The following FBN1 variants were observed in gnomAD, a reference collection of about 807,000 sequenced individuals.
The protein encoded by FBN1 is fibrillin 1, also known as fibrillin-1.
Under a neutral mutation model 365.1 loss-of-function variants are expected in FBN1, and 29 were observed. That is an observed-to-expected ratio of 0.08 (90% CI 0.06 to 0.11). The LOEUF is 0.11. FBN1 is among the 10% of genes least tolerant of loss of function. The pLI, the probability that FBN1 is intolerant of heterozygous loss-of-function variation, is 1.00. For missense variants in FBN1, 2,476 were observed against 3,703.2 expected (o/e 0.67, Z 8.60); for synonymous variants, 1,210 against 1,270.5 (o/e 0.95, Z 1.01).
chr15:48,433,101 T>C, intron 54 of FBN1, 113 bp from the exon 55 acceptor site: 1 of 1,088,876 alleles, frequency 9.2e-7, no homozygotes, highest in South Asian at 1.3e-5. Flanking sequence ...TTCATTGTCA[T>C]AAACATGGAT....
In FBN1 at chr15:48,468,045, G is replaced by A. The variant is rs183306990; in HGVS notation, c.4640C>T (p.Thr1547Ile). 82 of 1,614,156 alleles carry A rather than the reference G, an allele frequency of 5.1e-5. No homozygotes were observed. The Admixed American group carries it at 9.8e-4, about 19-fold the overall frequency. Residue 1547 changes from threonine (T) to isoleucine (I), a missense_variant, in exon 38 of 66, where the codon ACA becomes ATA. By Grantham distance (89) the Thr-to-Ile change is moderately conservative (BLOSUM62 -1). Around this residue, in one of 5 missense-constraint regions of FBN1, gnomAD observed 1,780 missense variants for 2,840.8 expected, o/e 0.63. Coordinates refer to ENST00000316623, the MANE Select transcript of FBN1 (RefSeq NM_000138.5). ...DIRPRGDNGD[T>I]ACSNEIGVGV... ...AACTCCAATTTCATTGCTGCAGGCT[G>A]TATCTCCATTGTCTCCTCGAGGTCG...
In FBN1 at chr15:48,445,408, T is replaced by G; in HGVS notation, c.5885A>C (p.Tyr1962Ser). The G allele has an allele frequency of 1.2e-6, 2 of 1,612,800 alleles. No individual in the cohort carries two copies. Among genetic ancestry groups the G allele is most frequent in the South Asian group, 2.2e-5 (2 of 91,052 alleles). The change falls in exon 48 of 66, where the codon TAT becomes TCT. Residue 1962 changes from tyrosine to serine, a missense_variant. By Grantham distance (144) the Tyr-to-Ser change is moderately radical (BLOSUM62 -2). Coordinates refer to ENST00000316623, the MANE Select transcript of FBN1 (RefSeq NM_000138.5). ...GSFQCQCNEG[Y>S]EVAPDGRTCV... ...GGTCCTCCCATCTGGAGCCACCTCA[T>G]AGCCTTCATTGCACTGGCACTGGAA... is the stretch of plus-strand genomic sequence containing the variant.
chr15:48,517,666 G>A (rs2043816656), intron 10 of FBN1, among the ~76,000 whole-genome samples: 1 of 152,074 alleles, frequency 6.6e-6, no homozygotes. Context: ...TTATTTTCAT[G>A]TTGCCTACAA....
At chr15:48,438,114 A>AT (rs1202545995) in intron 50 of FBN1, among the ~76,000 whole-genome samples, 197 bp from the exon 51 acceptor site, 2 of 152,180 alleles carry the variant, frequency 1.3e-5, no homozygotes, top group Admixed American at 6.5e-5. Flanking sequence ...AGATCTGATG[A>AT]ACAACTCTAT....
At chr15:48,468,577 T>C in intron 36 of FBN1, 43 bp from the exon 37 acceptor site, 6 of 1,612,148 alleles carry the variant, frequency 3.7e-6, no homozygotes, top group Non-Finnish European at 4.2e-6. Context: ...CCTGAGCCAG[T>C]GTAGGCAGAC....
intron 6 of FBN1, among the ~76,000 whole-genome samples, chr15:48,558,166 C>T (rs1449270343): frequency 6.6e-6 from 1 of 152,222 alleles, no homozygotes; most frequent in Non-Finnish European, 1.5e-5. Context: ...GATCCTACAA[C>T]ACATTTCATG....
intron 58 of FBN1, 132 bp downstream of exon 58, chr15:48,427,435 G>T (rs985130711): frequency 6.9e-5 from 64 of 932,924 alleles, no homozygotes; most frequent in Non-Finnish European, 1.0e-4. Context: ...CCATAATGAA[G>T]AATTTTTGTT....
At chr15:48,479,019 CTAAA>C (rs1332067866) in intron 32 of FBN1, among the ~76,000 whole-genome samples, 1 of 152,128 alleles carries the variant, frequency 6.6e-6, no homozygotes, top group East Asian at 1.9e-4. Flanking sequence ...AATAATCTAT[CTAAA>C]TAAATAAATA....
At chr15:48,587,604 T>C (rs2044447479) in intron 6 of FBN1, among the ~76,000 whole-genome samples, 1 of 152,186 alleles carries the variant, frequency 6.6e-6, no homozygotes, top group Non-Finnish European at 1.5e-5. Context: ...TACTAACTCT[T>C]CCCTTTACCT....
At chr15:48,482,510 A>C (rs1386083329) in intron 31 of FBN1, among the ~76,000 whole-genome samples, 2 of 152,194 alleles carry the variant, frequency 1.3e-5, no homozygotes, top group African/African-American at 4.8e-5. Flanking sequence ...CAATTGCCCG[A>C]GATTACTGAA....
Position 48,505,068 on chromosome 15 carries a change from G to A in FBN1, c.1917C>T (p.Cys639=), listed in dbSNP as rs2043696879. 6.2e-7 allele frequency: 1 copy of A among 1,614,062 alleles called. No homozygotes were observed. Among genetic ancestry groups the A allele is most frequent in the Admixed American group, 1.7e-5 (1 of 60,008 alleles). Residue 639 remains cysteine (C), a synonymous_variant, in exon 16 of 66, where the codon TGC becomes TGT. Transcript: ENST00000316623. The part of the protein sequence containing the change: ...VNTDGSYRCE[C]FPGLAVGLDG... ...CCAGACCCACAGCCAGTCCAGGGAA[G>A]CATTCACATCTGTAGGAGCCATCAG...
intron 6 of FBN1, among the ~76,000 whole-genome samples, chr15:48,567,068 T>C (rs2044263299): frequency 6.6e-6 from 1 of 152,144 alleles, no homozygotes; most frequent in Admixed American, 6.5e-5. Flanking sequence ...GTGATTTCTA[T>C]GAACATTAAA....
Position 48,421,577 on chromosome 15 carries a change from C to T in FBN1, c.7680G>A (p.Gln2560=), listed in dbSNP as rs780206348. 6.2e-7 allele frequency: 1 copy of T among 1,613,186 alleles called. No individual in the cohort carries two copies. ...CECQRGFSLD[Q]TGSSCEDVDE... ...ACCCACCTTCACAGCTGGAGCCGGT[C>T]TGATCAAGTGAGAATCCCCGCTGGC... Residue 2560 remains glutamine (Q), a synonymous_variant, in exon 62 of 66, where the codon CAG becomes CAA. Coordinates refer to ENST00000316623, the MANE Select transcript of FBN1 (RefSeq NM_000138.5).
chr15:48,558,277 T>C (rs985982932), intron 6 of FBN1, among the ~76,000 whole-genome samples: 1 of 152,234 alleles, frequency 6.6e-6, no homozygotes, highest in Non-Finnish European at 1.5e-5. Flanking sequence ...TAAAAAATTA[T>C]AAACACTTGG....
chr15:48,517,333 G>A (rs1194468371), intron 10 of FBN1, among the ~76,000 whole-genome samples: 1 of 152,194 alleles, frequency 6.6e-6, no homozygotes, highest in Non-Finnish European at 1.5e-5. Context: ...GGAAGGGGAA[G>A]AGAAGGGAGT....
chr15:48,536,068 C>T (rs996463056), intron 7 of FBN1, among the ~76,000 whole-genome samples: 5 of 152,104 alleles, frequency 3.3e-5, no homozygotes, highest in African/African-American at 1.2e-4. Flanking sequence ...GGACTGGAAA[C>T]ACCAGCAAGG....
At chr15:48,498,271 C>G (rs1295566881) in intron 18 of FBN1, among the ~76,000 whole-genome samples, 1 of 152,128 alleles carries the variant, frequency 6.6e-6, no homozygotes. Context: ...CTTTCCTCCT[C>G]TAAATATCCC....
chr15:48,618,078 C>A (rs1223328778), intron 2 of FBN1, among the ~76,000 whole-genome samples: 3 of 151,352 alleles, frequency 2.0e-5, no homozygotes, highest in South Asian at 2.1e-4. Flanking sequence ...TTTTTTTTAA[C>A]CTTTAAGGAA....
chr15:48,417,944 G>A (rs1566890636), intron 63 of FBN1, among the ~76,000 whole-genome samples: 1 of 152,188 alleles, frequency 6.6e-6, no homozygotes. Flanking sequence ...CTCACTTTTG[G>A]TTGGCCTCAG....
Sources: allele counts gnomAD v4.1 joint callset (sites outside exome capture counted in the v4.1 genomes callset), GRCh38; gene constraint gnomAD v4.1.1; regional missense constraint gnomAD v4.1.1; transcripts MANE v1.5; gene names NCBI Gene and HGNC (gene_info 2026-07-23, HGNC 2026-07-21).